Variants in MOSPD2 observed in about 807,000 individuals in gnomAD.
MOSPD2 encodes the protein motile sperm domain-containing protein 2.
Under a neutral mutation model 41.7 loss-of-function variants are expected in MOSPD2, and 5 were observed. The ratio of observed to expected loss-of-function variants is 0.12; its 90% CI spans 0.06 to 0.25. The LOEUF (loss-of-function observed/expected upper bound fraction) is 0.25. Among genes scored for constraint, MOSPD2 ranks in the 10% least tolerant of loss-of-function variants. MOSPD2 has a pLI of 1.00. For synonymous variants in MOSPD2, 115 were observed against 126.9 expected (o/e 0.91, Z 0.63); for missense variants, 282 against 375.2 (o/e 0.75, Z 2.05).
chrX:14,919,186 ACAGAAC>A (rs373207956), intron 14 of MOSPD2, among the ~76,000 whole-genome samples: 278 of 111,978 alleles, frequency 2.5e-3, no homozygotes, highest in Middle Eastern at 0.018. Context: ...AGCCTGGGCA[ACAGAAC>A]AAGACCATTT....
At chrX:14,892,430 T>TA (rs764227816) in intron 2 of MOSPD2, among the ~76,000 whole-genome samples, 5 of 111,297 alleles carry the variant, frequency 4.5e-5, no homozygotes. Context: ...ATGAGAATGA[T>TA]ACCAAACTAC....
intron 5 of MOSPD2, among the ~76,000 whole-genome samples, chrX:14,899,802 CT>C (rs1263541478): frequency 2.7e-5 from 3 of 110,063 alleles, no homozygotes; most frequent in African/African-American, 9.9e-5. Context: ...ATCCCACAGT[CT>C]TTATAAGATG....
In MOSPD2 at chrX:14,911,395, A is replaced by G; in HGVS notation, c.861A>G (p.Gln287=). 8.4e-7 allele frequency: 1 copy of G among 1,183,541 alleles called. No homozygotes were observed. Among genetic ancestry groups the G allele is most frequent in the Non-Finnish European group, 1.1e-6 (1 of 878,645 alleles). The change falls in exon 9 of 15, where the codon CAA becomes CAG. Residue 287 remains glutamine (Q), a synonymous_variant. Coordinates refer to ENST00000380492, the MANE Select transcript of MOSPD2 (RefSeq NM_152581.4). ...ETLETISNEE[Q]TPLLKKINPT... The stretch of plus-strand genomic sequence containing the variant: ...TGGAAACAATTTCTAATGAAGAACA[A>G]ACACCTCTTCTTAAAAAGGTAACTT...
At chrX:14,918,251 C>G (rs781677186) in intron 13 of MOSPD2, among the ~76,000 whole-genome samples, 2 of 110,979 alleles carry the variant, frequency 1.8e-5, no homozygotes, top group Non-Finnish European at 3.8e-5. Flanking sequence ...TTTTGCTTTA[C>G]CAATTACTGA....
chrX:14,890,252 TAA>T (rs2092551364), intron 2 of MOSPD2, among the ~76,000 whole-genome samples: 1 of 111,492 alleles, frequency 9.0e-6, no homozygotes, highest in Non-Finnish European at 1.9e-5. Context: ...TAAATTGTAT[TAA>T]GTTTTGACCC....
intron 7 of MOSPD2, among the ~76,000 whole-genome samples, chrX:14,907,259 A>G: frequency 8.9e-6 from 1 of 112,103 alleles, no homozygotes; most frequent in Non-Finnish European, 1.9e-5. Flanking sequence ...AGCCTCATAC[A>G]CTGCTGGTGA....
intron 2 of MOSPD2, among the ~76,000 whole-genome samples, chrX:14,891,714 GCGC>G (rs2092554290): frequency 9.2e-6 from 1 of 108,708 alleles, no homozygotes; most frequent in South Asian, 4.0e-4. Context: ...ACTACAGGGT[GCGC>G]CACCACGCCC....
Position 14,916,346 on chromosome X carries a change from TC to T in MOSPD2, c.1316+21del. On this transcript the variant is annotated intron_variant, in intron 13 of 14. Coordinates refer to ENST00000380492, the MANE Select transcript of MOSPD2 (RefSeq NM_152581.4). ...ACATAGGTAAGCTTTTCCCTCACAT[TC>T]TTCTCAAATGTAGTGGGAAGAATCA... The T allele has an allele frequency of 1.7e-6, 2 of 1,209,586 alleles. No homozygotes were observed. Among genetic ancestry groups the T allele is most frequent in the Non-Finnish European group, 2.2e-6 (2 of 894,057 alleles).
intron 2 of MOSPD2, among the ~76,000 whole-genome samples, chrX:14,889,759 C>G (rs1458229832): frequency 8.9e-6 from 1 of 111,893 alleles, no homozygotes; most frequent in African/African-American, 3.3e-5. Context: ...ATGGGGCTTT[C>G]TAATTTCAAA....
intron 13 of MOSPD2, among the ~76,000 whole-genome samples, chrX:14,917,085 C>T (rs1357008291): frequency 1.8e-5 from 2 of 111,770 alleles, no homozygotes; most frequent in African/African-American, 6.5e-5. Context: ...CAGTGGGCAT[C>T]TAATGGGGGC....
chrX:14,898,030 T>C (rs1009901446), intron 5 of MOSPD2, among the ~76,000 whole-genome samples: 14 of 112,423 alleles, frequency 1.2e-4, no homozygotes, highest in Non-Finnish European at 2.3e-4. Context: ...TGGCAAATTA[T>C]GTTAAGAACC....
At chrX:14,895,282 A>G (rs1411331310) in intron 3 of MOSPD2, 26 bp from the exon 4 acceptor site, 4 of 896,466 alleles carry the variant, frequency 4.5e-6, no homozygotes, top group Non-Finnish European at 6.5e-6. Flanking sequence ...AATTACAACT[A>G]CTGATCAAAG....
rs1424783979 is a variant in MOSPD2 at position 14,889,507 on chromosome X, TTCTA to T, written c.80-3212_80-3209del. 8.2e-5 allele frequency among the ~76,000 whole-genome samples: 9 copies of T among 109,799 alleles called. No individual in the cohort carries two copies. In the South Asian group the frequency reaches 1.6e-3, roughly 20 times the overall value. On this transcript the variant is annotated intron_variant, in intron 2 of 14. Coordinates refer to ENST00000380492, the MANE Select transcript of MOSPD2 (RefSeq NM_152581.4). The stretch of plus-strand genomic sequence containing the variant: ...TCACCTTTCTTTCCTCTGTGTCTCA[TTCTA>T]TCTGTCTCTCCCCCTCTCTTCCCCC...
Position 14,902,947 on chromosome X carries a change from A to T in MOSPD2, c.539-19A>T, listed in dbSNP as rs1206856810. 4.4e-6 allele frequency: 5 copies of T among 1,125,886 alleles called. No individual in the cohort carries two copies. The highest frequency in any genetic ancestry group is 6.1e-6 in the Non-Finnish European group (5 of 820,225). The allele number at this position is 1,125,886 out of a possible 1,213,427, so 92.8% of individuals were successfully genotyped here. On this transcript the variant is annotated intron_variant, in intron 6 of 14. Transcript: ENST00000380492. ...AGAGGTACTGATTCACATTCAATGA[A>T]TTTTTTTTCATCTTTCAGCAAAAAT...
intron 2 of MOSPD2, among the ~76,000 whole-genome samples, chrX:14,876,919 A>T (rs1193158538): frequency 8.9e-6 from 1 of 112,282 alleles, no homozygotes; most frequent in Non-Finnish European, 1.9e-5. Context: ...TTAGAAAAAA[A>T]TTCATTAAAA....
At chrX:14,882,904 C>A (rs1184027258) in intron 2 of MOSPD2, among the ~76,000 whole-genome samples, 1 of 109,688 alleles carries the variant, frequency 9.1e-6, no homozygotes, top group East Asian at 2.9e-4. Flanking sequence ...TCTAAAGAAT[C>A]TGTTACTAGG....
At chrX:14,903,660 C>G (rs149283190) in intron 7 of MOSPD2, among the ~76,000 whole-genome samples, 1,198 of 112,410 alleles carry the variant, frequency 0.011, 22 homozygotes, top group African/African-American at 0.036. Context: ...TCAGAATGTA[C>G]ATTCTCATTT....
At chrX:14,897,565 A>G (rs758843760) in intron 5 of MOSPD2, among the ~76,000 whole-genome samples, 25 of 112,107 alleles carry the variant, frequency 2.2e-4, no homozygotes, top group African/African-American at 7.1e-4. Context: ...CTAATATCCT[A>G]TAGCACCTGC....
intron 2 of MOSPD2, among the ~76,000 whole-genome samples, chrX:14,878,721 T>C (rs1473100479): frequency 1.8e-5 from 2 of 112,203 alleles, no homozygotes; most frequent in Non-Finnish European, 3.8e-5. Context: ...TATTATACTT[T>C]AAGTTCTAGG....
Sources: allele counts gnomAD v4.1 joint callset (sites outside exome capture counted in the v4.1 genomes callset), GRCh38; gene constraint gnomAD v4.1.1; transcripts MANE v1.5; gene names NCBI Gene and HGNC (gene_info 2026-07-23, HGNC 2026-07-21).